ADAMTS9: variants seen among roughly 807,000 people sequenced by gnomAD.
ADAMTS9 encodes the protein A disintegrin and metalloproteinase with thrombospondin motifs 9.
A neutral mutation model predicts 257.1 loss-of-function variants in ADAMTS9; 107 were observed. That is an observed-to-expected ratio of 0.42 (90% CI 0.36 to 0.49). The LOEUF (loss-of-function observed/expected upper bound fraction) is 0.49. Ranked by LOEUF, ADAMTS9 falls within the 20% of genes least tolerant of loss-of-function variation. ADAMTS9 has a pLI of 0.03. For missense variants in ADAMTS9, 2,353 were observed against 2,469.1 expected (o/e 0.95, Z 1.00); for synonymous variants, 982 against 880.9 (o/e 1.11, Z -2.03).
At chr3:64,683,265 A>G (rs997140632) in intron 2 of ADAMTS9, among the ~76,000 whole-genome samples, 3 of 152,216 alleles carry the variant, frequency 2.0e-5, no homozygotes, top group African/African-American at 7.2e-5. Context: ...TGGGGAAACC[A>G]AGACACAGAA....
At chr3:64,670,293 C>A (rs1701455668) in intron 3 of ADAMTS9, among the ~76,000 whole-genome samples, 1 of 152,150 alleles carries the variant, frequency 6.6e-6, no homozygotes, top group African/African-American at 2.4e-5. Context: ...ACATTCCCAT[C>A]AAAAAGTACA....
At chr3:64,526,126 T>C (rs1353017345) in intron 38 of ADAMTS9, among the ~76,000 whole-genome samples, 2 of 147,778 alleles carry the variant, frequency 1.4e-5, no homozygotes, top group African/African-American at 4.9e-5. Flanking sequence ...ATATTTACTA[T>C]AGATAGTTAA....
intron 16 of ADAMTS9, among the ~76,000 whole-genome samples, chr3:64,630,151 T>C (rs904727315): frequency 2.0e-5 from 3 of 149,362 alleles, no homozygotes; most frequent in African/African-American, 7.5e-5. Flanking sequence ...AAGAGTTTTG[T>C]GTAAGGTGAT....
At chr3:64,600,450 G>C (rs1009753096) in intron 26 of ADAMTS9, among the ~76,000 whole-genome samples, 4 of 152,186 alleles carry the variant, frequency 2.6e-5, no homozygotes, top group Non-Finnish European at 2.9e-5. Context: ...CTCCCTAATT[G>C]GGAGCTCTGC....
intron 22 of ADAMTS9, among the ~76,000 whole-genome samples, chr3:64,610,846 G>A (rs543771326): frequency 6.6e-6 from 1 of 152,200 alleles, no homozygotes; most frequent in Admixed American, 6.5e-5. Context: ...GGAGACCAAA[G>A]AGGGCAGATC....
At chr3:64,634,885 T>C (rs1370956705) in intron 12 of ADAMTS9, among the ~76,000 whole-genome samples, 2 of 152,134 alleles carry the variant, frequency 1.3e-5, no homozygotes, top group Non-Finnish European at 2.9e-5. Context: ...GAATGAGAAA[T>C]ATATCCCTGC....
chr3:64,661,400 A>C (rs1701218741), intron 3 of ADAMTS9, among the ~76,000 whole-genome samples: 1 of 152,238 alleles, frequency 6.6e-6, no homozygotes, highest in Non-Finnish European at 1.5e-5. Flanking sequence ...CCTACTATGT[A>C]CCAGGCATTG....
chr3:64,551,498 C>A (rs756083396), intron 30 of ADAMTS9, among the ~76,000 whole-genome samples: 16 of 152,152 alleles, frequency 1.1e-4, no homozygotes, highest in Non-Finnish European at 2.2e-4. Flanking sequence ...CGTGAGCCAC[C>A]ACTCCCGGCC....
chr3:64,631,374 A>G (rs1358146594), intron 16 of ADAMTS9, 81 bp downstream of exon 16: 1 of 1,122,242 alleles, frequency 8.9e-7, no homozygotes, highest in Admixed American at 1.8e-5. Context: ...CTGCCTCTGC[A>G]TGCCAGAGAA....
rs771698414 is a variant in ADAMTS9, at chr3:64,615,414, C to A, written c.3096G>T (p.Leu1032=). 2.5e-6 allele frequency: 4 copies of A among 1,613,904 alleles called. No individual in the cohort carries two copies. Among genetic ancestry groups the A allele is most frequent in the Non-Finnish European group, 3.4e-6 (4 of 1,179,948 alleles). Residue 1032 remains leucine, a synonymous_variant, in exon 21 of 40, where the codon CTG becomes CTT. Transcript: ENST00000498707. The part of the protein sequence containing the change: ...AICVNTRNDV[L]DDSKCTHQEK... ...CTTGATGTGTGCATTTGCTGTCATC[C>A]AGTACATCATTTCGGGTATTGACAC...
chr3:64,556,143 T>C (rs1379478218), intron 30 of ADAMTS9, among the ~76,000 whole-genome samples: 1 of 152,094 alleles, frequency 6.6e-6, no homozygotes, highest in Non-Finnish European at 1.5e-5. Context: ...ATAAAAGCCC[T>C]CAGACTCCAA....
chr3:64,545,464 T>C (rs969174030), intron 32 of ADAMTS9, among the ~76,000 whole-genome samples: 1 of 152,116 alleles, frequency 6.6e-6, no homozygotes, highest in African/African-American at 2.4e-5. Flanking sequence ...TGTAGGGACA[T>C]GGATGAAACT....
At position 64,655,576 on chromosome 3, in the gene ADAMTS9, C is replaced by T. The variant is rs751763737; in HGVS notation, c.1169G>A (p.Arg390Lys). 1 of 1,609,720 alleles carries T rather than the reference C, an allele frequency of 6.2e-7. No individual in the cohort carries two copies. The highest frequency in any genetic ancestry group is 8.5e-7 in the Non-Finnish European group (1 of 1,176,134). Residue 390 changes from arginine (R) to lysine (K), a missense_variant and splice_region_variant, in exon 6 of 40, where the codon AGA becomes AAA. Arg to Lys is a conservative substitution (Grantham distance 26). Around this residue, in one of 3 missense-constraint regions of ADAMTS9, gnomAD observed 591 missense variants for 569.6 expected, o/e 1.04. Transcript: ENST00000498707. Reference protein sequence around the residue: ...IHHDTAVLLTRQDICRAHDKC... With the variant: ...IHHDTAVLLTKQDICRAHDKC... Reference sequence around the variant, plus strand: ...TCTGAGGAATAAGAAATCCATATACCTTGTTAAGAGAACAGCAGTATCATG... The same window carrying T: ...TCTGAGGAATAAGAAATCCATATACTTTGTTAAGAGAACAGCAGTATCATG...
At chr3:64,583,734 A>C (rs907638976) in intron 28 of ADAMTS9, 2 of 152,208 alleles carry the variant, frequency 1.3e-5, no homozygotes, top group Non-Finnish European at 2.9e-5. Context: ...GCAAGTTCTC[A>C]AAACTGAATT....
Position 64,648,001 on chromosome 3 carries a change from T to C in ADAMTS9, c.1649A>G (p.His550Arg). Residue 550 changes from histidine to arginine, a missense_variant, in exon 11 of 40, where the codon CAC becomes CGC. Physicochemically the swap from His to Arg is conservative, Grantham distance 29 (BLOSUM62 0). Around this residue, in one of 3 missense-constraint regions of ADAMTS9, gnomAD observed 360 missense variants for 458.1 expected, o/e 0.79. Transcript: ENST00000498707. ...TGTGTGCTGAGTCCGGCAGCCTTTG[T>C]GTACTCCATTGACGTTATTGCACCA... ...RLWCNNVNGV[H>R]KGCRTQHTPW... The C allele has an allele frequency of 1.2e-6, 2 of 1,613,762 alleles. No homozygotes were observed. The highest frequency in any genetic ancestry group is 1.7e-6 in the Non-Finnish European group (2 of 1,179,998).
intron 38 of ADAMTS9, among the ~76,000 whole-genome samples, chr3:64,528,009 A>C (rs138800692): frequency 6.6e-6 from 1 of 152,314 alleles, no homozygotes; most frequent in African/African-American, 2.4e-5. Context: ...AACTTTCGTT[A>C]TTTTTTAACT....
intron 19 of ADAMTS9, among the ~76,000 whole-genome samples, chr3:64,620,395 C>A (rs1022144672): frequency 6.6e-6 from 1 of 150,920 alleles, no homozygotes; most frequent in South Asian, 2.1e-4. Flanking sequence ...CATTCCTATA[C>A]CACTCTCCAC....
chr3:64,641,782 T>C, intron 12 of ADAMTS9, 66 bp downstream of exon 12: 1 of 1,589,000 alleles, frequency 6.3e-7, no homozygotes, highest in South Asian at 1.1e-5. Context: ...CCCACCAAAT[T>C]ATTCCCTTTA....
rs377504912 is a variant in ADAMTS9 at position 64,601,907 on chromosome 3, G to A, written c.4017+37C>T. 3.2e-5 allele frequency: 49 copies of A among 1,551,328 alleles called. No homozygotes were observed. In the African/African-American group the frequency reaches 6.2e-4, roughly 20 times the overall value. ...TCTTTTACCCTAAACCCAACCTCAA[G>A]TGAAAGAGAAGCAAGCAAACTTCAG... On this transcript the variant is annotated intron_variant, in intron 26 of 39. Coordinates refer to ENST00000498707, the MANE Select transcript of ADAMTS9 (RefSeq NM_182920.2).
Sources: allele counts gnomAD v4.1 joint callset (sites outside exome capture counted in the v4.1 genomes callset), GRCh38; gene constraint gnomAD v4.1.1; regional missense constraint gnomAD v4.1.1; transcripts MANE v1.5; gene names NCBI Gene and HGNC (gene_info 2026-07-23, HGNC 2026-07-21).